FHAD1: variants seen among roughly 807,000 people sequenced by gnomAD.
The protein encoded by FHAD1 is forkhead-associated domain-containing protein 1.
FHAD1 carries 146 observed loss-of-function variants against 191.3 expected under a neutral mutation model. That is an observed-to-expected ratio of 0.76 (90% CI 0.67 to 0.88). FHAD1 has a LOEUF of 0.88. Ranked by LOEUF, FHAD1 falls within the 40% of genes least tolerant of loss-of-function variation. The pLI is 0.00. For synonymous variants in FHAD1, 616 were observed against 672.3 expected, an observed-to-expected ratio of 0.92 and a Z score of 1.29; for missense variants, 1,635 against 1,785.8, an observed-to-expected ratio of 0.92 and a Z score of 1.52.
upstream of FHAD1, among the ~76,000 whole-genome samples, chr1:15,245,638 C>A (rs1645931956): frequency 6.6e-6 from 1 of 152,152 alleles, no homozygotes; most frequent in Admixed American, 6.5e-5. Context: ...TCCCTCCTAA[C>A]ATTTTACGCC....
intron 7 of FHAD1, among the ~76,000 whole-genome samples, chr1:15,309,403 A>G (rs1671545717): frequency 6.6e-6 from 1 of 152,224 alleles, no homozygotes; most frequent in African/African-American, 2.4e-5. Flanking sequence ...CCCTCTGCTC[A>G]TGGGGCTCAC....
In FHAD1 at chr1:15,318,612, C is replaced by A. The variant is rs750094419; in HGVS notation, c.1365+684C>A. 2.5e-4 allele frequency among the ~76,000 whole-genome samples: 38 copies of A among 151,234 alleles called. No homozygotes were observed. Among genetic ancestry groups the A allele is most frequent in the African/African-American group, 8.3e-4 (34 of 41,138 alleles). ...TCGTGCCACCGCACTCCAGCCTGGG[C>A]GACAGAGCAAGACTCCGTCTCAAAA... On this transcript the variant is annotated intron_variant, in intron 10 of 33. Transcript: ENST00000688493. The surrounding 1 kb of genome is among the most constrained non-coding windows in gnomAD (Gnocchi z 4.1).
chr1:15,316,598 C>T lies in FHAD1; in HGVS notation c.1260+131C>T, dbSNP rs1674540810. The T allele has an allele frequency of 3.9e-6, 3 of 766,794 alleles. No homozygotes were observed. Among genetic ancestry groups the T allele is most frequent in the Non-Finnish European group, 6.3e-6 (3 of 473,186 alleles). The allele number at this position is 766,794 out of a possible 1,614,324, so 47.5% of individuals were successfully genotyped here. A position where few individuals can be genotyped will look rare whatever the true frequency, so the allele number is the denominator to read the frequency against. Reference sequence around the variant, plus strand: ...TCTGTGCTTGCTTGTTTAACATAGTCTCATTGCTCTTTGATCTGCTGCTTC... The same window carrying T: ...TCTGTGCTTGCTTGTTTAACATAGTTTCATTGCTCTTTGATCTGCTGCTTC... On this transcript the variant is annotated intron_variant, in intron 9 of 33. Transcript: ENST00000688493. This position sits in a 1 kb window ranked among gnomAD's most constrained non-coding sequence, Gnocchi z 4.3.
chr1:15,332,809 A>G (rs192285990), intron 14 of FHAD1, among the ~76,000 whole-genome samples: 174 of 152,330 alleles, frequency 1.1e-3, no homozygotes, highest in African/African-American at 4.0e-3. Context: ...CATTCCTCAG[A>G]CCAGCCATTT....
chr1:15,342,036 T>C, intron 16 of FHAD1, 148 bp downstream of exon 16: 1 of 628,260 alleles, frequency 1.6e-6, no homozygotes, highest in Non-Finnish European at 2.6e-6. Flanking sequence ...GGGTGAATAA[T>C]TGGGGAGGAT....
In FHAD1 at chr1:15,316,284, CA is replaced by C; in HGVS notation, c.1171-93del. The C allele has an allele frequency of 1.0e-6, 1 of 961,498 alleles. No individual in the cohort carries two copies. The highest frequency in any genetic ancestry group is 1.6e-6 in the Non-Finnish European group (1 of 624,060). 59.6% of individuals were successfully genotyped at this position (961,498 alleles called of 1,614,324 possible). ...GGATGGAAACAGCAGGAAATGCTCT[CA>C]GGGGCTCACATGGGGCCTTGGAGCC... On this transcript the variant is annotated intron_variant, in intron 8 of 33. Coordinates refer to ENST00000688493, the MANE Select transcript of FHAD1 (RefSeq NM_001391957.1). The surrounding 1 kb of genome is among the most constrained non-coding windows in gnomAD (Gnocchi z 4.3).
chr1:15,309,273 C>T (rs1447647530), intron 7 of FHAD1, among the ~76,000 whole-genome samples: 1 of 152,084 alleles, frequency 6.6e-6, no homozygotes, highest in Non-Finnish European at 1.5e-5. Context: ...ACAGCTGTTT[C>T]TTAGCCTGGA....
At chr1:15,366,683 A>G (rs2102765895) in intron 24 of FHAD1, among the ~76,000 whole-genome samples, 1 of 152,248 alleles carries the variant, frequency 6.6e-6, no homozygotes, top group East Asian at 1.9e-4. Flanking sequence ...TAGAGACAAC[A>G]CACCTTCTTC....
intron 14 of FHAD1, among the ~76,000 whole-genome samples, chr1:15,339,182 A>G (rs1377216565): frequency 6.6e-6 from 1 of 151,964 alleles, no homozygotes; most frequent in Non-Finnish European, 1.5e-5. Flanking sequence ...ACACCCAGCT[A>G]GTTTTTGTAT....
chr1:15,238,107 C>A (rs942601008), intron 1 of FHAD1, among the ~76,000 whole-genome samples: 3 of 151,878 alleles, frequency 2.0e-5, no homozygotes, highest in African/African-American at 7.3e-5. Context: ...ATTAGACAGG[C>A]ATGGTGGCGC....
intron 5 of FHAD1, among the ~76,000 whole-genome samples, chr1:15,300,745 C>G (rs959653416): frequency 2.0e-5 from 3 of 152,226 alleles, no homozygotes; most frequent in African/African-American, 7.2e-5. Context: ...ACTCTTGTCT[C>G]TATGAGTTGC....
intron 4 of FHAD1, among the ~76,000 whole-genome samples, chr1:15,291,229 A>ATGTG (rs1664660475): frequency 6.6e-6 from 1 of 150,762 alleles, no homozygotes; most frequent in African/African-American, 2.4e-5. Context: ...TTACAGGCAC[A>ATGTG]CACCACCATG....
chr1:15,299,091 T>C (rs1487416438), intron 5 of FHAD1, among the ~76,000 whole-genome samples: 2 of 147,264 alleles, frequency 1.4e-5, no homozygotes, highest in African/African-American at 5.1e-5. Context: ...CCCCAGCTAC[T>C]AGGGAGGCTG....
rs1696218377 is a variant in FHAD1 at position 15,365,717 on chromosome 1, A to G, written c.3048-110A>G. On this transcript the variant is annotated intron_variant, in intron 23 of 33. Transcript: ENST00000688493. ...CATCCTTTGCTGGGACTGGCGTTGCATGGACCGTGATTGAGAATCTCTTTG... is the reference window on the plus strand; with the variant it reads ...CATCCTTTGCTGGGACTGGCGTTGCGTGGACCGTGATTGAGAATCTCTTTG... 3 of 682,944 alleles carry G rather than the reference A, an allele frequency of 4.4e-6. No homozygotes were observed. In the Admixed American group the frequency reaches 7.4e-5, roughly 17 times the overall value. The allele number at this position is 682,944 out of a possible 1,614,324, so 42.3% of individuals were successfully genotyped here. A position where few individuals can be genotyped will look rare whatever the true frequency, so the allele number is the denominator to read the frequency against.
chr1:15,292,652 T>C (rs1262602014), intron 4 of FHAD1, among the ~76,000 whole-genome samples: 1 of 152,180 alleles, frequency 6.6e-6, no homozygotes, highest in African/African-American at 2.4e-5. Context: ...ACTGTTGTCC[T>C]TGTGAGAGGA....
At chr1:15,395,113 A>G (rs903420347) in intron 33 of FHAD1, among the ~76,000 whole-genome samples, 4 of 152,058 alleles carry the variant, frequency 2.6e-5, no homozygotes, top group African/African-American at 9.7e-5. Context: ...GGAGTTTGAG[A>G]CCATCCTGGC....
chr1:15,339,241 G>A (rs958472360), intron 14 of FHAD1, among the ~76,000 whole-genome samples: 1 of 152,066 alleles, frequency 6.6e-6, no homozygotes, highest in Non-Finnish European at 1.5e-5. Flanking sequence ...GGCTAGTCTC[G>A]AGCTCCTGAC....
At chr1:15,243,855 C>T (rs1321028863), upstream of FHAD1, among the ~76,000 whole-genome samples, 3 of 152,142 alleles carry the variant, frequency 2.0e-5, no homozygotes, top group African/African-American at 7.2e-5. Flanking sequence ...ACCTGTAGTT[C>T]CCCAGGGGAA....
chr1:15,238,267 A>G (rs1018712177), intron 1 of FHAD1, among the ~76,000 whole-genome samples: 1 of 151,252 alleles, frequency 6.6e-6, no homozygotes, highest in Non-Finnish European at 1.5e-5. Flanking sequence ...AAAAAAAAAA[A>G]AAGGAGCACT....
Sources: allele counts gnomAD v4.1 joint callset (sites outside exome capture counted in the v4.1 genomes callset), GRCh38; gene constraint gnomAD v4.1.1; non-coding constraint Gnocchi (gnomAD v3.1); transcripts MANE v1.5; gene names NCBI Gene and HGNC (gene_info 2026-07-23, HGNC 2026-07-21).